EPAS1: variants seen among roughly 807,000 people sequenced by gnomAD.
The protein encoded by EPAS1 is endothelial PAS domain protein 1, also known as endothelial PAS domain-containing protein 1.
Under a neutral mutation model 87.9 loss-of-function variants are expected in EPAS1, and 23 were observed. That is an observed-to-expected ratio of 0.26 (90% CI 0.19 to 0.37). The LOEUF (loss-of-function observed/expected upper bound fraction) is 0.37, where lower values mean the gene tolerates loss of function less well. Among genes scored for constraint, EPAS1 ranks in the 10% least tolerant of loss-of-function variants. The probability of loss-of-function intolerance (pLI) is 1.00; values close to 1 mark genes in which losing one functional copy is unlikely to be tolerated. For synonymous variants in EPAS1, 508 were observed against 444.3 expected (o/e 1.14, Z -1.80); for missense variants, 1,138 against 1,120.7 (o/e 1.02, Z -0.22).
chr2:46,384,769 A>G lies in EPAS1; in HGVS notation c.*109A>G. ...TTCTAACGCCAGCACACTATTTACAAGATGGACTTACCTGGCAGACTTGCC... is the reference window on the plus strand; with the variant it reads ...TTCTAACGCCAGCACACTATTTACAGGATGGACTTACCTGGCAGACTTGCC... On this transcript the variant is annotated 3_prime_UTR_variant, in exon 16 of 16. Coordinates refer to ENST00000263734, the MANE Select transcript of EPAS1 (RefSeq NM_001430.5). 8.3e-6 allele frequency: 12 copies of G among 1,443,774 alleles called. No homozygotes were observed. The highest frequency in any genetic ancestry group is 4.9e-5 in the South Asian group (4 of 81,908). 89.4% of individuals were successfully genotyped at this position (1,443,774 alleles called of 1,614,324 possible).
chr2:46,316,182 A>AT (rs143227202), intron 1 of EPAS1, among the ~76,000 whole-genome samples: 12,102 of 151,272 alleles, frequency 0.08, 935 homozygotes, highest in African/African-American at 0.2. Flanking sequence ...GAGTCACATG[A>AT]TTTTTTTTTG....
At chr2:46,367,978 C>A (rs1684538341) in intron 6 of EPAS1, among the ~76,000 whole-genome samples, 1 of 152,124 alleles carries the variant, frequency 6.6e-6, no homozygotes, top group African/African-American at 2.4e-5. Flanking sequence ...AAAAGTAGAT[C>A]CTTAGTGCCC....
At chr2:46,362,088 G>C (rs1046824634) in intron 6 of EPAS1, among the ~76,000 whole-genome samples, 2 of 152,198 alleles carry the variant, frequency 1.3e-5, no homozygotes, top group African/African-American at 4.8e-5. Flanking sequence ...CGCCCTTCCT[G>C]GCAGAGATCT....
At chr2:46,307,870 T>G (rs1426909254) in intron 1 of EPAS1, among the ~76,000 whole-genome samples, 1 of 151,988 alleles carries the variant, frequency 6.6e-6, no homozygotes, top group Non-Finnish European at 1.5e-5. Context: ...ATCTTCAGAG[T>G]GGGATAGGGG....
intron 1 of EPAS1, among the ~76,000 whole-genome samples, chr2:46,310,198 C>T (rs189481235): frequency 6.6e-6 from 1 of 152,246 alleles, no homozygotes; most frequent in African/African-American, 2.4e-5. Flanking sequence ...CCCATGTTCT[C>T]TTTCTGATGG....
chr2:46,355,658 T>G (rs995118074), intron 2 of EPAS1, among the ~76,000 whole-genome samples: 2 of 152,234 alleles, frequency 1.3e-5, no homozygotes, highest in Admixed American at 6.5e-5. Context: ...TTGATTGATG[T>G]TTGCACTGGA....
intron 2 of EPAS1, among the ~76,000 whole-genome samples, chr2:46,350,184 C>T (rs971598565): frequency 6.6e-6 from 1 of 152,282 alleles, no homozygotes; most frequent in South Asian, 2.1e-4. Context: ...TATCCTCTAA[C>T]CTACTTTCTA....
At chr2:46,330,823 G>T (rs35366004) in intron 1 of EPAS1, among the ~76,000 whole-genome samples, 100,484 of 152,114 alleles carry the variant, frequency 0.66, 35,522 homozygotes, top group East Asian at 0.97. Flanking sequence ...ATAGCCTCAC[G>T]GGGCCTGATT....
chr2:46,360,553 C>A lies in EPAS1; in HGVS notation c.455-85C>A. The A allele has an allele frequency of 8.4e-7, 1 of 1,196,840 alleles. No individual in the cohort carries two copies. Among genetic ancestry groups the A allele is most frequent in the Non-Finnish European group, 1.2e-6 (1 of 800,316 alleles). 74.1% of individuals were successfully genotyped at this position (1,196,840 alleles called of 1,614,324 possible). A position where few individuals can be genotyped will look rare whatever the true frequency, so the allele number is the denominator to read the frequency against. Reference sequence around the variant, plus strand: ...TTTGGAAAATATAAACAATAGGCTGCCAAGAAAAACTGCAGCTGGGCCCCT... The same window carrying A: ...TTTGGAAAATATAAACAATAGGCTGACAAGAAAAACTGCAGCTGGGCCCCT... On this transcript the variant is annotated intron_variant, in intron 4 of 15. Coordinates refer to ENST00000263734, the MANE Select transcript of EPAS1 (RefSeq NM_001430.5). The surrounding 1 kb of genome is among the most constrained non-coding windows in gnomAD (Gnocchi z 4.5).
At chr2:46,342,105 A>G (rs927563732) in intron 1 of EPAS1, among the ~76,000 whole-genome samples, 1 of 152,036 alleles carries the variant, frequency 6.6e-6, no homozygotes, top group African/African-American at 2.4e-5. Flanking sequence ...TGCACCTGAG[A>G]CCTATTAAAT....
intron 6 of EPAS1, among the ~76,000 whole-genome samples, chr2:46,367,090 C>A (rs751446240): frequency 6.6e-6 from 1 of 152,238 alleles, no homozygotes; most frequent in Non-Finnish European, 1.5e-5. Flanking sequence ...ATGAAAGCTG[C>A]TACTGGGAAG....
intron 10 of EPAS1, 99 bp downstream of exon 10, chr2:46,378,186 C>T (rs1490693144): frequency 2.7e-6 from 4 of 1,509,278 alleles, no homozygotes; most frequent in Middle Eastern, 2.4e-4. Context: ...CTGTCCTTCT[C>T]AGGTTATCAC....
At chr2:46,316,587 A>C in intron 1 of EPAS1, among the ~76,000 whole-genome samples, 1 of 152,202 alleles carries the variant, frequency 6.6e-6, no homozygotes, top group Non-Finnish European at 1.5e-5. Context: ...TAATTTAAAA[A>C]TATTTTATTG....
chr2:46,375,277 C>T lies in EPAS1; in HGVS notation c.887-413C>T, dbSNP rs1283861521. Reference sequence around the variant, plus strand: ...CCACCTGGAGTGCTTGACGGGATGGCGCTCCTTACCCAGTGTGAAGGGGCT... The same window carrying T: ...CCACCTGGAGTGCTTGACGGGATGGTGCTCCTTACCCAGTGTGAAGGGGCT... On this transcript the variant is annotated intron_variant, in intron 7 of 15. Transcript: ENST00000263734. The surrounding 1 kb of genome is among the most constrained non-coding windows in gnomAD (Gnocchi z 4.1). 1.3e-5 allele frequency among the ~76,000 whole-genome samples: 2 copies of T among 149,420 alleles called. No individual in the cohort carries two copies. The highest frequency in any genetic ancestry group is 6.7e-5 in the Admixed American group (1 of 14,994).
intron 6 of EPAS1, among the ~76,000 whole-genome samples, chr2:46,367,150 G>A (rs1040722005): frequency 2.0e-5 from 3 of 152,228 alleles, no homozygotes; most frequent in African/African-American, 7.2e-5. Context: ...TCCAAAACAT[G>A]CCCATTGTAT....
In EPAS1 at chr2:46,361,103, G is replaced by A. The variant is rs138364979; in HGVS notation, c.779+13G>A. The A allele has an allele frequency of 4.1e-5, 66 of 1,613,770 alleles. No individual in the cohort carries two copies. In the African/African-American group the frequency reaches 7.6e-4, roughly 19 times the overall value. Reference sequence around the variant, plus strand: ...ACTGTGATGACAGGTAGGGGGCCATGGGTGTGTATGCTGTGGGCAGAGATG... The same window carrying A: ...ACTGTGATGACAGGTAGGGGGCCATAGGTGTGTATGCTGTGGGCAGAGATG... On this transcript the variant is annotated intron_variant, in intron 6 of 15. Coordinates refer to ENST00000263734, the MANE Select transcript of EPAS1 (RefSeq NM_001430.5).
intron 6 of EPAS1, among the ~76,000 whole-genome samples, chr2:46,363,282 A>G (rs2103641834): frequency 6.6e-6 from 1 of 152,276 alleles, no homozygotes; most frequent in Non-Finnish European, 1.5e-5. Context: ...AGTGCTGGGG[A>G]TGATGAAAGT....
intron 8 of EPAS1, 99 bp from the exon 9 acceptor site, chr2:46,376,440 T>C (rs1684749204): frequency 1.7e-6 from 2 of 1,184,988 alleles, no homozygotes; most frequent in Admixed American, 1.7e-5. Flanking sequence ...TACCCATTTT[T>C]TGTCGGAGAG....
chr2:46,308,799 T>C (rs540954075), intron 1 of EPAS1, among the ~76,000 whole-genome samples: 7 of 152,328 alleles, frequency 4.6e-5, no homozygotes, highest in African/African-American at 1.7e-4. Flanking sequence ...AAAAGCAAGA[T>C]GGGGAAGTTG....
Sources: gnomAD v4.1 joint callset for allele counts (sites outside exome capture counted in the v4.1 genomes callset) on GRCh38, gnomAD v4.1.1 for gene constraint, Gnocchi (gnomAD v3.1) non-coding constraint, MANE v1.5 for transcripts, NCBI Gene and HGNC (gene_info 2026-07-23, HGNC 2026-07-21) for gene names.